Variants in FBXL5 observed in about 807,000 individuals in gnomAD.
FBXL5 encodes F-box/LRR-repeat protein 5.
FBXL5 carries 26 observed loss-of-function variants against 78.3 expected under a neutral mutation model. That is an observed-to-expected ratio of 0.33 (90% confidence interval 0.24 to 0.46). The LOEUF is 0.46. Among genes scored for constraint, FBXL5 ranks in the 20% least tolerant of loss-of-function variants. The probability of loss-of-function intolerance (pLI) is 1.00; values close to 1 mark genes in which losing one functional copy is unlikely to be tolerated. For synonymous variants in FBXL5, 295 were observed against 282.5 expected (o/e 1.04, Z -0.45); for missense variants, 710 against 829.2 (o/e 0.86, Z 1.77).
At chr4:15,641,294 G>T (rs1475392783) in intron 2 of FBXL5, among the ~76,000 whole-genome samples, 1 of 151,910 alleles carries the variant, frequency 6.6e-6, no homozygotes, top group Non-Finnish European at 1.5e-5. Flanking sequence ...GTTGACCCTT[G>T]AACAACACAG....
chr4:15,671,441 T>C (rs932802089), intron 1 of FBXL5, among the ~76,000 whole-genome samples: 1 of 152,024 alleles, frequency 6.6e-6, no homozygotes, highest in African/African-American at 2.4e-5. Flanking sequence ...GTACTCTGGT[T>C]TGGGTTTTTG....
At chr4:15,666,258 GTATGGTGGTGCA>G (rs891033772) in intron 1 of FBXL5, among the ~76,000 whole-genome samples, 1 of 152,030 alleles carries the variant, frequency 6.6e-6, no homozygotes, top group Non-Finnish European at 1.5e-5. Context: ...AATTAGCCAG[GTATGGTGGTGCA>G]TGCCTGTAGT....
At chr4:15,678,998 C>T (rs1178639292) in intron 1 of FBXL5, among the ~76,000 whole-genome samples, 2 of 152,068 alleles carry the variant, frequency 1.3e-5, no homozygotes, top group South Asian at 4.2e-4. Context: ...TGATAATAGT[C>T]TCTGTCCCTA....
Position 15,625,525 on chromosome 4 carries a change from A to G in FBXL5, c.1577T>C (p.Val526Ala), listed in dbSNP as rs747147830. 28 of 1,614,022 alleles carry G rather than the reference A, an allele frequency of 1.7e-5. No individual in the cohort carries two copies. Among genetic ancestry groups the G allele is most frequent in the Non-Finnish European group, 2.2e-5 (26 of 1,180,000 alleles). The change falls in exon 9 of 11, where the codon GTT (valine) becomes GCT (alanine). Residue 526 changes from valine (V) to alanine (A), a missense_variant. By Grantham distance (64) the Val-to-Ala change is moderately conservative (BLOSUM62 0). Transcript: ENST00000341285. ...STSGCFSKDI[V>A]GLRTSVCWQQ... ...CCAACAGACACTAGTCCTTAGTCCA[A>G]CAATGTCCTTACTAAAACAACCAGA...
upstream of FBXL5, chr4:15,655,397 G>GGC (rs1716779990): frequency 2.1e-5 from 22 of 1,031,600 alleles, no homozygotes; most frequent in South Asian, 4.5e-5. Context: ...CCGCCCCGTC[G>GGC]GCGCGCGCGC....
At chr4:15,637,645 C>T (rs1289968700) in intron 4 of FBXL5, among the ~76,000 whole-genome samples, 1 of 152,138 alleles carries the variant, frequency 6.6e-6, no homozygotes, top group Non-Finnish European at 1.5e-5. Flanking sequence ...TTAAACCAGA[C>T]ATAACAAGTC....
chr4:15,663,870 G>A (rs1717420502), upstream of FBXL5, among the ~76,000 whole-genome samples: 4 of 152,068 alleles, frequency 2.6e-5, no homozygotes, highest in Admixed American at 2.6e-4. Context: ...ACTGTTCATT[G>A]ACTTACCCTG....
chr4:15,658,839 G>C (rs1020742466), upstream of FBXL5, among the ~76,000 whole-genome samples: 12 of 152,128 alleles, frequency 7.9e-5, no homozygotes, highest in African/African-American at 2.9e-4. Flanking sequence ...CTTAAGTTCA[G>C]CATTAAATAT....
intron 10 of FBXL5, among the ~76,000 whole-genome samples, chr4:15,608,741 G>A (rs1722047811): frequency 1.3e-5 from 2 of 151,996 alleles, no homozygotes; most frequent in Admixed American, 1.3e-4. Context: ...AACTTAATCA[G>A]TAACTATAGT....
At chr4:15,627,137 T>C (rs1419596338) in intron 7 of FBXL5, among the ~76,000 whole-genome samples, 182 bp from the exon 8 acceptor site, 1 of 147,324 alleles carries the variant, frequency 6.8e-6, no homozygotes, top group Non-Finnish European at 1.5e-5. Flanking sequence ...ATCTCTTTTT[T>C]TTTTTTTTTT....
At chr4:15,652,596 A>C (rs1716231894) in intron 1 of FBXL5, among the ~76,000 whole-genome samples, 1 of 152,158 alleles carries the variant, frequency 6.6e-6, no homozygotes, top group Non-Finnish European at 1.5e-5. Context: ...TTGAAAATTT[A>C]TTTTCTCATC....
At position 15,638,660 on chromosome 4, in the gene FBXL5, T is replaced by A; in HGVS notation, c.431A>T (p.Tyr144Phe). ...CTTTTTAATATCCTTAAGCTCTTCA[T>A]AGGTAAAATATTCCATTAACATGGG... ...FQPMLMEYFTYEELKDIKKKV... is the reference protein window; with the variant it reads ...FQPMLMEYFTFEELKDIKKKV... Residue 144 changes from tyrosine (Y) to phenylalanine (F), a missense_variant, in exon 4 of 11, where the codon TAT (tyrosine) becomes TTT (phenylalanine). By Grantham distance (22) the Tyr-to-Phe change is conservative. Transcript: ENST00000341285. The A allele has an allele frequency of 6.2e-7, 1 of 1,602,230 alleles. No individual in the cohort carries two copies. Among genetic ancestry groups the A allele is most frequent in the Non-Finnish European group, 8.5e-7 (1 of 1,176,784 alleles).
At chr4:15,679,530 T>C (rs1387059554) in intron 1 of FBXL5, among the ~76,000 whole-genome samples, 1 of 137,246 alleles carries the variant, frequency 7.3e-6, no homozygotes, top group Non-Finnish European at 1.5e-5. Flanking sequence ...TGAATCTATC[T>C]AGAGAAATAT....
In FBXL5 at chr4:15,627,982, C is replaced by T. The variant is rs764719880; in HGVS notation, c.944G>A (p.Arg315His). 3.7e-6 allele frequency: 6 copies of T among 1,613,674 alleles called. No homozygotes were observed. The highest frequency in any genetic ancestry group is 2.2e-5 in the South Asian group (2 of 91,072). The change falls in exon 7 of 11, where the codon CGT (arginine) becomes CAT (histidine). Residue 315 changes from arginine (R) to histidine (H), a missense_variant. Transcript: ENST00000341285. ...GTTATGAATTAAGCCATGGAGTAAA[C>T]GTTTTTCCATTTGTGCAATGCTGAT... The part of the protein sequence containing the change: ...IAISIAQMEK[R>H]LLHGLIHNVL...
chr4:15,669,045 A>C (rs529894475), intron 1 of FBXL5, among the ~76,000 whole-genome samples: 5 of 152,248 alleles, frequency 3.3e-5, no homozygotes, highest in Admixed American at 3.3e-4. Flanking sequence ...AAGATCGGTT[A>C]GTACAGGATA....
chr4:15,663,270 C>T (rs546133196), upstream of FBXL5, among the ~76,000 whole-genome samples: 3 of 152,246 alleles, frequency 2.0e-5, no homozygotes, highest in South Asian at 6.2e-4. Context: ...CTAAGTACTC[C>T]ACTGCATGGG....
chr4:15,629,450 T>A (rs913109642), intron 6 of FBXL5, among the ~76,000 whole-genome samples: 3 of 152,154 alleles, frequency 2.0e-5, no homozygotes, highest in Non-Finnish European at 4.4e-5. Context: ...AACTGCAATT[T>A]TAAATTCTTC....
upstream of FBXL5, among the ~76,000 whole-genome samples, chr4:15,663,549 C>T (rs903021461): frequency 2.6e-5 from 4 of 152,186 alleles, no homozygotes; most frequent in African/African-American, 4.8e-5. Flanking sequence ...GGAATGAGGA[C>T]TTTGCTACTA....
At chr4:15,628,414 C>T (rs563834321) in intron 6 of FBXL5, among the ~76,000 whole-genome samples, 1 of 152,034 alleles carries the variant, frequency 6.6e-6, no homozygotes, top group Non-Finnish European at 1.5e-5. Context: ...ATGAGCATGG[C>T]TTTTGGTTTT....
Sources: gnomAD v4.1 joint callset for allele counts (sites outside exome capture counted in the v4.1 genomes callset) on GRCh38, gnomAD v4.1.1 for gene constraint, MANE v1.5 for transcripts, NCBI Gene and HGNC (gene_info 2026-07-23, HGNC 2026-07-21) for gene names.